Variants in MAGI2 observed in about 807,000 individuals in gnomAD.
MAGI2 encodes membrane associated guanylate kinase, WW and PDZ domain containing 2, also known as membrane-associated guanylate kinase, WW and PDZ domain-containing protein 2.
Under a neutral mutation model 133.3 loss-of-function variants are expected in MAGI2, and 35 were observed. That is an observed-to-expected ratio of 0.26 (90% CI 0.20 to 0.35). The LOEUF (loss-of-function observed/expected upper bound fraction) is 0.35. MAGI2 is among the 10% of genes least tolerant of loss of function. MAGI2 has a pLI of 1.00. For synonymous variants in MAGI2, 729 were observed against 710.6 expected (o/e 1.03, Z -0.41); for missense variants, 1,636 against 1,863.4 (o/e 0.88, Z 2.25).
intron 2 of MAGI2, among the ~76,000 whole-genome samples, chr7:78,684,613 T>G (rs1192991961): frequency 1.3e-5 from 2 of 152,162 alleles, no homozygotes; most frequent in Non-Finnish European, 2.9e-5. Flanking sequence ...CTAAAGTTTC[T>G]GGTTGATATT....
At chr7:78,454,939 G>C (rs551851714) in intron 6 of MAGI2, among the ~76,000 whole-genome samples, 1 of 152,166 alleles carries the variant, frequency 6.6e-6, no homozygotes, top group South Asian at 2.1e-4. Context: ...GAGCACAGGG[G>C]GTTTCTAGGG....
intron 6 of MAGI2, among the ~76,000 whole-genome samples, chr7:78,408,279 T>A (rs11976386): frequency 0.021 from 3,221 of 152,156 alleles, 115 homozygotes; most frequent in African/African-American, 0.073. Context: ...ATACTTCTCA[T>A]TTTTTACGGT....
chr7:78,909,386 G>T (rs1047904295), intron 2 of MAGI2, among the ~76,000 whole-genome samples: 1 of 148,210 alleles, frequency 6.7e-6, no homozygotes, highest in Non-Finnish European at 1.5e-5. Context: ...GAGGTCAGGA[G>T]ATCAAGATCA....
chr7:79,403,860 A>G (rs981030691), intron 1 of MAGI2, among the ~76,000 whole-genome samples: 1 of 152,204 alleles, frequency 6.6e-6, no homozygotes, highest in Non-Finnish European at 1.5e-5. Context: ...AGCAGCTGCA[A>G]TGACATAGAG....
chr7:78,219,263 C>A (rs142274448), intron 10 of MAGI2, among the ~76,000 whole-genome samples: 1 of 152,290 alleles, frequency 6.6e-6, no homozygotes, highest in Non-Finnish European at 1.5e-5. Context: ...CTGACCTCTG[C>A]TACTTACACT....
intron 1 of MAGI2, among the ~76,000 whole-genome samples, chr7:79,062,040 A>ATAAG (rs1813800759): frequency 6.6e-6 from 1 of 152,148 alleles, no homozygotes; most frequent in Admixed American, 6.6e-5. Context: ...CAATAAAATG[A>ATAAG]TAAGTCCTTT....
chr7:79,000,976 G>C (rs997290442), intron 2 of MAGI2, among the ~76,000 whole-genome samples: 5 of 152,168 alleles, frequency 3.3e-5, no homozygotes, highest in Admixed American at 1.3e-4. Flanking sequence ...GAGTATAGTA[G>C]CATGATCTCA....
At chr7:78,289,706 GAAATGTTGGGTTACCCACA>G (rs1043727908) in intron 9 of MAGI2, among the ~76,000 whole-genome samples, 2 of 152,208 alleles carry the variant, frequency 1.3e-5, no homozygotes, top group African/African-American at 4.8e-5. Context: ...CAGCCAGAGA[GAAATGTTGGGTTACCCACA>G]AAAGGAAGCC....
chr7:78,628,629 C>T (rs748847573), intron 2 of MAGI2, among the ~76,000 whole-genome samples: 3 of 151,746 alleles, frequency 2.0e-5, no homozygotes, highest in Non-Finnish European at 4.4e-5. Flanking sequence ...AGTTTTATAA[C>T]TCATCTTTGG....
chr7:78,327,416 T>C (rs1273920879), intron 9 of MAGI2, among the ~76,000 whole-genome samples: 1 of 152,204 alleles, frequency 6.6e-6, no homozygotes, highest in Non-Finnish European at 1.5e-5. Flanking sequence ...ATCTCCATCT[T>C]CTCTTCTTAC....
At position 78,085,865 on chromosome 7, in the gene MAGI2, A is replaced by T. The variant is rs1009150137; in HGVS notation, c.3568-6780T>A. 2.8e-5 allele frequency among the ~76,000 whole-genome samples: 4 copies of T among 144,546 alleles called. No individual in the cohort carries two copies. The East Asian group carries it at 7.7e-4, about 28-fold the overall frequency. 94.8% of individuals were successfully genotyped at this position (144,546 alleles called of 152,430 possible). A position where few individuals can be genotyped will look rare whatever the true frequency, so the allele number is the denominator to read the frequency against. The stretch of plus-strand genomic sequence containing the variant: ...TTGTGTTTAGAAAAGATGTAGTCAC[A>T]GCTCAGAAAATATCCGGCCTTTGAC... On this transcript the variant is annotated intron_variant, in intron 20 of 21. Transcript: ENST00000354212.
intron 1 of MAGI2, among the ~76,000 whole-genome samples, chr7:79,054,635 A>G (rs775235856): frequency 6.6e-6 from 1 of 152,186 alleles, no homozygotes; most frequent in African/African-American, 2.4e-5. Context: ...GGCCATTTCA[A>G]TAGTTTCCTA....
intron 6 of MAGI2, among the ~76,000 whole-genome samples, chr7:78,450,422 T>A (rs1456856852): frequency 1.3e-5 from 2 of 152,090 alleles, no homozygotes; most frequent in Non-Finnish European, 2.9e-5. Flanking sequence ...TTGCCCCATT[T>A]AGGAATAAAT....
intron 1 of MAGI2, among the ~76,000 whole-genome samples, chr7:79,135,412 A>G (rs1436027126): frequency 6.6e-6 from 1 of 152,216 alleles, no homozygotes; most frequent in Non-Finnish European, 1.5e-5. Context: ...TCAGAGACAT[A>G]TAACCCTCTG....
chr7:78,511,204 G>T (rs1358231865), intron 4 of MAGI2, among the ~76,000 whole-genome samples: 1 of 151,980 alleles, frequency 6.6e-6, no homozygotes, highest in African/African-American at 2.4e-5. Flanking sequence ...AAATATGATT[G>T]TGTTGATTTT....
At chr7:79,169,281 T>C (rs1188431184) in intron 1 of MAGI2, among the ~76,000 whole-genome samples, 1 of 152,074 alleles carries the variant, frequency 6.6e-6, no homozygotes, top group Non-Finnish European at 1.5e-5. Context: ...AAATTTGGAA[T>C]GTGCATTTTA....
At chr7:79,023,925 G>A (rs144440523) in intron 1 of MAGI2, among the ~76,000 whole-genome samples, 18 of 152,124 alleles carry the variant, frequency 1.2e-4, no homozygotes, top group African/African-American at 3.9e-4. Flanking sequence ...GCAATTTACA[G>A]ATTTAATACT....
chr7:78,480,368 T>A (rs754347999), intron 6 of MAGI2, among the ~76,000 whole-genome samples: 1 of 151,342 alleles, frequency 6.6e-6, no homozygotes, highest in Non-Finnish European at 1.5e-5. Context: ...CAAAACCAGA[T>A]AAAGACAGTA....
chr7:78,403,792 T>TAG (rs993803197), intron 6 of MAGI2, among the ~76,000 whole-genome samples: 1 of 152,040 alleles, frequency 6.6e-6, no homozygotes, highest in Non-Finnish European at 1.5e-5. Context: ...GCTACATAAA[T>TAG]GTCTTCTTTT....
Sources: gnomAD v4.1 joint callset for allele counts (sites outside exome capture counted in the v4.1 genomes callset) on GRCh38, gnomAD v4.1.1 for gene constraint, MANE v1.5 for transcripts, NCBI Gene and HGNC (gene_info 2026-07-23, HGNC 2026-07-21) for gene names.